WWOX: variants seen among roughly 807,000 people sequenced by gnomAD.
WWOX encodes the protein WW domain-containing oxidoreductase.
A neutral mutation model predicts 46.2 loss-of-function variants in WWOX; 69 were observed. That is an observed-to-expected ratio of 1.49 (90% CI 1.23 to 1.82). The LOEUF is 1.82. WWOX is among the 40% of genes most tolerant of loss of function. WWOX has a pLI of 0.00. For synonymous variants in WWOX, 359 were observed against 202.6 expected (o/e 1.77, Z -6.56); for missense variants, 919 against 542.6 (o/e 1.69, Z -6.89).
Position 78,288,752 on chromosome 16 carries a change from CA to C in WWOX, c.517-98106del, listed in dbSNP as rs756604230. On this transcript the variant is annotated intron_variant, in intron 5 of 8. Transcript: ENST00000566780. ...AACCTCCTTTTATTTGAACTAACCA[CA>C]ATGGGTCATAATTTATAGGCCCAGT... Among the ~76,000 whole-genome samples the C allele has an allele frequency of 2.6e-5, 4 of 152,258 alleles. No homozygotes were observed. The South Asian group carries it at 8.3e-4, about 32-fold the overall frequency.
At chr16:78,547,679 G>A (rs2044073517) in intron 8 of WWOX, among the ~76,000 whole-genome samples, 1 of 152,198 alleles carries the variant, frequency 6.6e-6, no homozygotes, top group South Asian at 2.1e-4. Flanking sequence ...GTTTGGCAAC[G>A]GCCCACTTTC....
intron 8 of WWOX, among the ~76,000 whole-genome samples, chr16:78,937,416 C>G (rs950060508): frequency 7.1e-6 from 1 of 139,928 alleles, no homozygotes; most frequent in South Asian, 2.4e-4. Context: ...AGGTGCTAAA[C>G]ATACCTTTAG....
chr16:78,483,422 A>ATT lies in WWOX; in HGVS notation c.1056+50686_1056+50687dup, dbSNP rs367626448. 5.5e-3 allele frequency among the ~76,000 whole-genome samples: 734 copies of ATT among 133,912 alleles called. 7 individuals carry two copies. The highest frequency in any genetic ancestry group is 0.019 in the African/African-American group (698 of 35,942). The allele number at this position is 133,912 out of a possible 152,430, so 87.9% of individuals were successfully genotyped here. A position where few individuals can be genotyped will look rare whatever the true frequency, so the allele number is the denominator to read the frequency against. Reference sequence around the variant, plus strand: ...TTCTTTTTGCCGGCATCTGCGTAGAATTTTTTTTTTTTTTTTTGGTAGTTT... The same window carrying ATT: ...TTCTTTTTGCCGGCATCTGCGTAGAATTTTTTTTTTTTTTTTTTTGGTAGTTT... On this transcript the variant is annotated intron_variant, in intron 8 of 8. Transcript: ENST00000566780.
At chr16:78,140,249 G>T (rs1202815474) in intron 4 of WWOX, among the ~76,000 whole-genome samples, 1 of 152,174 alleles carries the variant, frequency 6.6e-6, no homozygotes, top group Non-Finnish European at 1.5e-5. Context: ...CCATGCTCAG[G>T]TCTCTTAAGA....
intron 5 of WWOX, among the ~76,000 whole-genome samples, chr16:78,240,053 C>T (rs534646280): frequency 2.2e-4 from 33 of 152,222 alleles, no homozygotes; most frequent in Middle Eastern, 6.8e-3. Context: ...AAAATCCACA[C>T]CCACACAGAA....
intron 8 of WWOX, among the ~76,000 whole-genome samples, chr16:78,672,249 G>T (rs16948290): frequency 0.016 from 2,477 of 152,266 alleles, 60 homozygotes; most frequent in African/African-American, 0.056. Flanking sequence ...TGTTCAAGGT[G>T]ATAACCGTAG....
intron 8 of WWOX, among the ~76,000 whole-genome samples, chr16:78,523,472 G>C (rs184501972): frequency 4.6e-5 from 7 of 152,112 alleles, no homozygotes; most frequent in Admixed American, 1.3e-4. Context: ...TGAAGGTCAC[G>C]GGCTTAGTAG....
At chr16:78,916,931 C>A (rs1337251717) in intron 8 of WWOX, among the ~76,000 whole-genome samples, 1 of 150,344 alleles carries the variant, frequency 6.7e-6, no homozygotes, top group Non-Finnish European at 1.5e-5. Context: ...AAAGCTTGAC[C>A]CAGGGGCTAA....
At chr16:78,434,570 C>T (rs1446667291) in intron 8 of WWOX, among the ~76,000 whole-genome samples, 1 of 152,166 alleles carries the variant, frequency 6.6e-6, no homozygotes, top group East Asian at 1.9e-4. Context: ...GTGCCTTCCG[C>T]TTTAACAAGC....
At chr16:78,587,262 G>C (rs562086990) in intron 8 of WWOX, among the ~76,000 whole-genome samples, 66 of 146,464 alleles carry the variant, frequency 4.5e-4, no homozygotes, top group Non-Finnish European at 7.9e-4. Context: ...TCTTGTACTG[G>C]GCTCAAGCAA....
intron 8 of WWOX, among the ~76,000 whole-genome samples, chr16:78,916,335 C>T (rs892389982): frequency 2.6e-5 from 4 of 152,088 alleles, no homozygotes; most frequent in Admixed American, 2.6e-4. Context: ...ACAATAATAC[C>T]ATGCTTTCAA....
chr16:78,919,370 T>C (rs903621597), intron 8 of WWOX, among the ~76,000 whole-genome samples: 8 of 152,012 alleles, frequency 5.3e-5, no homozygotes, highest in African/African-American at 1.7e-4. Context: ...TCCAGGCAGT[T>C]GAGTCTAGAA....
intron 8 of WWOX, chr16:78,897,284 AG>A: frequency 6.6e-6 from 1 of 151,496 alleles, no homozygotes; most frequent in East Asian, 1.9e-4. Flanking sequence ...AACAAAAACA[AG>A]AACATTCCCA....
intron 8 of WWOX, among the ~76,000 whole-genome samples, chr16:78,984,843 G>C (rs1286923949): frequency 1.3e-5 from 2 of 152,182 alleles, no homozygotes. Context: ...ACAGAAAGGA[G>C]AAAGACGAGG....
chr16:79,069,653 A>C (rs756387256), intron 8 of WWOX, among the ~76,000 whole-genome samples: 1 of 152,156 alleles, frequency 6.6e-6, no homozygotes, highest in African/African-American at 2.4e-5. Context: ...ACTGAAAAAA[A>C]ATAAAGAAAA....
chr16:78,379,615 C>T (rs965290601), intron 5 of WWOX, among the ~76,000 whole-genome samples: 8 of 152,198 alleles, frequency 5.3e-5, no homozygotes, highest in African/African-American at 1.9e-4. Flanking sequence ...GGCCCACATG[C>T]ACAAGATGGG....
At chr16:78,404,370 C>G (rs2082477444) in intron 6 of WWOX, among the ~76,000 whole-genome samples, 1 of 151,720 alleles carries the variant, frequency 6.6e-6, no homozygotes, top group African/African-American at 2.4e-5. Flanking sequence ...TCAGATACCA[C>G]CTCTATCCTT....
chr16:78,879,641 G>A (rs1364231105), intron 8 of WWOX, among the ~76,000 whole-genome samples: 1 of 152,166 alleles, frequency 6.6e-6, no homozygotes, highest in Non-Finnish European at 1.5e-5. Flanking sequence ...GCTTTGGGAG[G>A]CCGAGGCAGG....
chr16:78,656,309 T>G (rs2047079554), intron 8 of WWOX, among the ~76,000 whole-genome samples: 1 of 152,102 alleles, frequency 6.6e-6, no homozygotes, highest in African/African-American at 2.4e-5. Flanking sequence ...ATGCATGTCC[T>G]TTCTCTGTCC....
Sources: allele counts gnomAD v4.1 joint callset (sites outside exome capture counted in the v4.1 genomes callset), GRCh38; gene constraint gnomAD v4.1.1; transcripts MANE v1.5; gene names NCBI Gene and HGNC (gene_info 2026-07-23, HGNC 2026-07-21).